The following SOX6 variants were observed in gnomAD, a reference collection of about 807,000 sequenced individuals.
SOX6 encodes the protein SRY-box transcription factor 6.
A neutral mutation model predicts 97.8 loss-of-function variants in SOX6; 11 were observed. The observed-to-expected ratio is 0.11, with a 90% CI of 0.07 to 0.19. The LOEUF (loss-of-function observed/expected upper bound fraction) is 0.19. SOX6 is among the 10% of genes least tolerant of loss of function. SOX6 has a pLI of 1.00. For synonymous variants in SOX6, 360 were observed against 371.4 expected, an observed-to-expected ratio of 0.97 and a Z score of 0.35; for missense variants, 810 against 1,039.5, an observed-to-expected ratio of 0.78 and a Z score of 3.04.
chr11:16,433,964 T>C (rs1303814619), intron 1 of SOX6, among the ~76,000 whole-genome samples: 1 of 152,110 alleles, frequency 6.6e-6, no homozygotes, highest in Non-Finnish European at 1.5e-5. Context: ...GCCTTCAGGA[T>C]TTTAACCATA....
intron 6 of SOX6, among the ~76,000 whole-genome samples, chr11:16,170,099 C>T (rs1340935379): frequency 6.6e-6 from 1 of 151,956 alleles, no homozygotes; most frequent in Non-Finnish European, 1.5e-5. Flanking sequence ...TGTTGGGCTT[C>T]GAAATTGTTC....
At chr11:16,295,175 A>G (rs1000513065) in intron 3 of SOX6, among the ~76,000 whole-genome samples, 2 of 152,142 alleles carry the variant, frequency 1.3e-5, no homozygotes, top group African/African-American at 4.8e-5. Context: ...TCTTATAAAT[A>G]AATTCATCCT....
intron 3 of SOX6, chr11:16,645,863 A>T (rs904554933): frequency 1.3e-5 from 2 of 152,238 alleles, no homozygotes; most frequent in Middle Eastern, 3.2e-3. Context: ...AGTTTGTGGT[A>T]CTTTGTTACA....
At chr11:16,511,762 G>A (rs938429421) in intron 4 of SOX6, among the ~76,000 whole-genome samples, 3 of 152,104 alleles carry the variant, frequency 2.0e-5, no homozygotes, top group African/African-American at 7.2e-5. Context: ...ACTTAAAAGC[G>A]CAGGAGCTAG....
At chr11:16,442,278 G>A (rs192244592) in intron 1 of SOX6, among the ~76,000 whole-genome samples, 7 of 152,252 alleles carry the variant, frequency 4.6e-5, no homozygotes, top group Admixed American at 3.9e-4. Flanking sequence ...AGAAATTATA[G>A]TTTCTCTAAA....
At chr11:16,049,289 A>G (rs938661209) in intron 11 of SOX6, among the ~76,000 whole-genome samples, 7 of 152,142 alleles carry the variant, frequency 4.6e-5, no homozygotes, top group African/African-American at 1.7e-4. Context: ...TTTCCTACAT[A>G]TCAATAGTAT....
At chr11:16,485,360 A>G (rs1860411170) in intron 4 of SOX6, among the ~76,000 whole-genome samples, 1 of 152,082 alleles carries the variant, frequency 6.6e-6, no homozygotes, top group Admixed American at 6.5e-5. Flanking sequence ...CCAAAGTGGG[A>G]GGGTCGTTTA....
chr11:16,449,277 C>T (rs1167446365), intron 1 of SOX6, among the ~76,000 whole-genome samples: 20 of 62,930 alleles, frequency 3.2e-4, no homozygotes, highest in African/African-American at 5.7e-4. Context: ...AATGCTCCTT[C>T]TTTTTTTTTT....
chr11:16,379,716 G>A (rs1043366268), intron 1 of SOX6, among the ~76,000 whole-genome samples: 1 of 151,876 alleles, frequency 6.6e-6, no homozygotes, highest in Non-Finnish European at 1.5e-5. Flanking sequence ...TTTAAAAAGG[G>A]ATTACCCAAC....
intron 4 of SOX6, among the ~76,000 whole-genome samples, 180 bp downstream of exon 4, chr11:16,234,402 T>C (rs1218541248): frequency 6.6e-6 from 1 of 152,160 alleles, no homozygotes; most frequent in Non-Finnish European, 1.5e-5. Flanking sequence ...GGGAAATTTT[T>C]CAGTTTGTAA....
At chr11:16,548,365 C>G (rs1161699484) in intron 4 of SOX6, among the ~76,000 whole-genome samples, 1 of 152,078 alleles carries the variant, frequency 6.6e-6, no homozygotes, top group Non-Finnish European at 1.5e-5. Flanking sequence ...AAGGGAAACT[C>G]TAACAGAAAA....
Position 16,389,319 on chromosome 11 carries a change from C to G in SOX6, c.-4-48067G>C, listed in dbSNP as rs146684272. ...TGGTCTCAAACTTACTAGTCTCAAG[C>G]AGTCCTCCTGCCTAAGCCTCCCAAA... is the stretch of plus-strand genomic sequence containing the variant. On this transcript the variant is annotated intron_variant, in intron 1 of 15. Transcript: ENST00000396356. Among the ~76,000 whole-genome samples the G allele has an allele frequency of 2.8e-3, 420 of 152,254 alleles. 2 individuals carry two copies. The highest frequency in any genetic ancestry group is 9.5e-3 in the African/African-American group (393 of 41,558).
At chr11:16,678,666 T>C (rs1276924068) in intron 3 of SOX6, among the ~76,000 whole-genome samples, 2 of 152,168 alleles carry the variant, frequency 1.3e-5, no homozygotes, top group East Asian at 1.9e-4. Context: ...ATCTAGGAAG[T>C]GCAAGGGGTC....
chr11:16,298,599 T>C (rs1479061518), intron 3 of SOX6, among the ~76,000 whole-genome samples: 1 of 152,112 alleles, frequency 6.6e-6, no homozygotes, highest in African/African-American at 2.4e-5. Context: ...AACAAATCAT[T>C]TGAAGCCAAA....
chr11:16,349,803 C>A lies in SOX6; in HGVS notation c.-5+6291G>T, dbSNP rs994812773. Among the ~76,000 whole-genome samples the A allele has an allele frequency of 2.0e-5, 3 of 151,902 alleles. No homozygotes were observed. The South Asian group carries it at 6.2e-4, about 32-fold the overall frequency. ...GCAAGAAAGAAAATATTTCCTACAG[C>A]TAATGCCTGATATGCCTGACATTCC... On this transcript the variant is annotated intron_variant, in intron 1 of 15. Coordinates refer to ENST00000683767, the MANE Select transcript of SOX6 (RefSeq NM_001367873.1).
In SOX6 at chr11:16,049,928, GC is replaced by G. The variant is rs1482417628; in HGVS notation, c.1261del (p.Ala421GlnfsTer5). On this transcript the variant is annotated frameshift_variant, in exon 11 of 16. Coordinates refer to ENST00000683767, the MANE Select transcript of SOX6 (RefSeq NM_001367873.1). LOFTEE classifies it high-confidence loss of function. Reference protein sequence around the residue: ...SPVTQVKDEAAAQPLNLSSRP... With the variant: ...SPVTQVKDEAXAQPLNLSSRP... Reference sequence around the variant, plus strand: ...GGATGAGAGATTCAGAGGCTGTGCTGCTGCTTCATCCTACAAGAGTTTAACG... The same window carrying G: ...GGATGAGAGATTCAGAGGCTGTGCTGTGCTTCATCCTACAAGAGTTTAACG... 1 of 1,613,532 alleles carries G rather than the reference GC, an allele frequency of 6.2e-7. No homozygotes were observed.
intron 1 of SOX6, among the ~76,000 whole-genome samples, chr11:16,474,975 T>C (rs1217471427): frequency 6.6e-6 from 1 of 152,228 alleles, no homozygotes; most frequent in African/African-American, 2.4e-5. Context: ...CCATCAGCAC[T>C]GGCTGTGTCA....
At chr11:16,243,744 A>G (rs1184676628) in intron 3 of SOX6, among the ~76,000 whole-genome samples, 1 of 151,962 alleles carries the variant, frequency 6.6e-6, no homozygotes, top group Non-Finnish European at 1.5e-5. Context: ...CCTATTCTTG[A>G]ATTTCATAAA....
chr11:16,387,165 T>C (rs1438884321), intron 1 of SOX6, among the ~76,000 whole-genome samples: 1 of 152,162 alleles, frequency 6.6e-6, no homozygotes, highest in Non-Finnish European at 1.5e-5. Flanking sequence ...GTAAAAACTA[T>C]TGATGCCTGG....
Sources: gnomAD v4.1 joint callset for allele counts (sites outside exome capture counted in the v4.1 genomes callset) on GRCh38, gnomAD v4.1.1 for gene constraint, MANE v1.5 for transcripts, NCBI Gene and HGNC (gene_info 2026-07-23, HGNC 2026-07-21) for gene names.